MTUS2: variants seen among roughly 807,000 people sequenced by gnomAD.
The protein encoded by MTUS2 is microtubule associated scaffold protein 2.
A neutral mutation model predicts 114.1 loss-of-function variants in MTUS2; 40 were observed. The ratio of observed to expected loss-of-function variants is 0.35; its 90% CI spans 0.27 to 0.46. MTUS2 has a LOEUF of 0.46. MTUS2 is among the 20% of genes least tolerant of loss of function. MTUS2 has a pLI of 1.00. For missense variants in MTUS2, 1,679 were observed against 1,705.4 expected, an observed-to-expected ratio of 0.98 and a Z score of 0.27; for synonymous variants, 688 against 672.0, an observed-to-expected ratio of 1.02 and a Z score of -0.37.
chr13:29,004,598 CTA>C (rs1885525979), intron 2 of MTUS2, among the ~76,000 whole-genome samples: 1 of 152,174 alleles, frequency 6.6e-6, no homozygotes, highest in Non-Finnish European at 1.5e-5. Context: ...AGTTTCCAGA[CTA>C]TGTGTATCAT....
At chr13:29,055,240 T>C (rs987191478) in intron 4 of MTUS2, among the ~76,000 whole-genome samples, 2 of 152,146 alleles carry the variant, frequency 1.3e-5, no homozygotes, top group Non-Finnish European at 2.9e-5. Flanking sequence ...ATTTGGGATT[T>C]TGATGTCTTC....
rs113604859 is a variant in MTUS2, at chr13:28,982,053, G to A, written c.-242-42404G>A. Among the ~76,000 whole-genome samples, 308 of 152,308 alleles carry A rather than the reference G, an allele frequency of 2.0e-3. 1 individual carries two copies. Among genetic ancestry groups the A allele is most frequent in the African/African-American group, 5.9e-3 (246 of 41,552 alleles). On this transcript the variant is annotated intron_variant, in intron 2 of 15. Coordinates refer to ENST00000612955, the MANE Select transcript of MTUS2 (RefSeq NM_001033602.4). The stretch of plus-strand genomic sequence containing the variant: ...GTGAATCAATCTTGGCTGTGACAGA[G>A]GATGCCAGTTAATGGCCAATGTAAA...
chr13:29,497,381 C>G (rs1397664277), intron 13 of MTUS2, 45 bp downstream of exon 13: 1 of 1,540,314 alleles, frequency 6.5e-7, no homozygotes, highest in Admixed American at 1.9e-5. Context: ...GAACCCCGCC[C>G]CAGCAAGGCC....
chr13:29,290,904 A>G (rs1898684506), intron 6 of MTUS2, among the ~76,000 whole-genome samples: 1 of 152,236 alleles, frequency 6.6e-6, no homozygotes, highest in Admixed American at 6.5e-5. Context: ...CTCAACAAAT[A>G]GCTGCCGAAT....
chr13:29,138,979 C>T (rs1254167813), intron 5 of MTUS2, among the ~76,000 whole-genome samples: 1 of 151,724 alleles, frequency 6.6e-6, no homozygotes, highest in East Asian at 1.9e-4. Flanking sequence ...CCCCTTTGCC[C>T]CCAGTGATAT....
In MTUS2 at chr13:29,263,887, C is replaced by A. The variant is rs565877465; in HGVS notation, c.2645-17817C>A. On this transcript the variant is annotated intron_variant, in intron 5 of 15. Coordinates refer to ENST00000612955, the MANE Select transcript of MTUS2 (RefSeq NM_001033602.4). ...CAGATCCAAACCATATCATCCCACC[C>A]CTGGCCTCCAAATCTCATGTCCTTC... is the stretch of plus-strand genomic sequence containing the variant. Among the ~76,000 whole-genome samples the A allele has an allele frequency of 2.0e-5, 3 of 152,162 alleles. No individual in the cohort carries two copies. In the East Asian group the frequency reaches 5.8e-4, roughly 29 times the overall value.
chr13:29,303,902 C>T (rs964940865), intron 6 of MTUS2, among the ~76,000 whole-genome samples: 8 of 152,104 alleles, frequency 5.3e-5, no homozygotes, highest in Non-Finnish European at 8.8e-5. Context: ...GCCAGGTCAC[C>T]TACAAAGGGA....
chr13:29,176,554 T>A (rs570145994), intron 5 of MTUS2, among the ~76,000 whole-genome samples: 5 of 152,270 alleles, frequency 3.3e-5, no homozygotes, highest in African/African-American at 1.2e-4. Flanking sequence ...TTCTAAAGGC[T>A]GGGAAGTCCA....
At chr13:28,895,522 T>C (rs1356363034) in intron 2 of MTUS2, among the ~76,000 whole-genome samples, 1 of 152,210 alleles carries the variant, frequency 6.6e-6, no homozygotes, top group Non-Finnish European at 1.5e-5. Flanking sequence ...GATTAAATAG[T>C]ATTATTAGAT....
chr13:29,399,450 C>T (rs2138483705), intron 8 of MTUS2, among the ~76,000 whole-genome samples: 1 of 152,288 alleles, frequency 6.6e-6, no homozygotes, highest in African/African-American at 2.4e-5. Context: ...TGCCCTCGTT[C>T]AAACAACTCT....
chr13:28,873,370 C>T (rs763032168), intron 2 of MTUS2, among the ~76,000 whole-genome samples: 22 of 152,210 alleles, frequency 1.4e-4, no homozygotes, highest in South Asian at 2.1e-4. Context: ...TGCCACTTCC[C>T]TGAAGCCTTC....
intron 2 of MTUS2, among the ~76,000 whole-genome samples, chr13:28,950,724 A>C (rs1164528511): frequency 6.6e-6 from 1 of 152,160 alleles, no homozygotes; most frequent in Non-Finnish European, 1.5e-5. Flanking sequence ...GGTGCTCCCA[A>C]AACAGTATAA....
chr13:28,933,575 A>T (rs1881736311), intron 2 of MTUS2, among the ~76,000 whole-genome samples: 1 of 152,160 alleles, frequency 6.6e-6, no homozygotes, highest in Non-Finnish European at 1.5e-5. Context: ...ATTAACCATC[A>T]CAACATATAT....
intron 10 of MTUS2, chr13:29,487,668 A>C: frequency 1.8e-6 from 1 of 560,152 alleles, no homozygotes; most frequent in Non-Finnish European, 3.2e-6. Flanking sequence ...TACCTCAGGC[A>C]GTGATCCCCT....
rs529715897 is a variant in MTUS2 at position 28,878,245 on chromosome 13, A to G, written c.-243+38395A>G. ...TGTGTGTGTGTGTGTATATATATGTATATATGTGTGTGTGTGTATATGTGT... is the reference window on the plus strand; with the variant it reads ...TGTGTGTGTGTGTGTATATATATGTGTATATGTGTGTGTGTGTATATGTGT... On this transcript the variant is annotated intron_variant, in intron 2 of 15. Transcript: ENST00000612955. Among the ~76,000 whole-genome samples, 529 of 147,452 alleles carry G rather than the reference A, an allele frequency of 3.6e-3. 3 individuals are homozygous for G. The highest frequency in any genetic ancestry group is 0.013 in the African/African-American group (496 of 37,484).
chr13:28,918,504 A>G (rs765078630), intron 2 of MTUS2, among the ~76,000 whole-genome samples: 2 of 151,628 alleles, frequency 1.3e-5, no homozygotes, highest in Non-Finnish European at 3.0e-5. Context: ...GTTTCTGTGG[A>G]CATGGGATAT....
intron 2 of MTUS2, among the ~76,000 whole-genome samples, chr13:28,934,525 T>G (rs1421546801): frequency 6.6e-6 from 1 of 152,206 alleles, no homozygotes; most frequent in Non-Finnish European, 1.5e-5. Flanking sequence ...CTTTATTTTA[T>G]TTATTATTAT....
rs567718118 is a variant in MTUS2 at position 29,097,254 on chromosome 13, GTTTC to G, written c.2447-3515_2447-3512del. Among the ~76,000 whole-genome samples, 12 of 152,224 alleles carry G rather than the reference GTTTC, an allele frequency of 7.9e-5. 2 individuals carry two copies. In the South Asian group the frequency reaches 2.5e-3, roughly 32 times the overall value. On this transcript the variant is annotated intron_variant, in intron 4 of 15. Transcript: ENST00000612955. ...ATTTAGTAGAGTTTCTTATATAAAT[GTTTC>G]TTTAAGTGCTACATGTTCATAGAAC...
chr13:29,333,688 A>T (rs1488765596), intron 7 of MTUS2, among the ~76,000 whole-genome samples: 1 of 152,236 alleles, frequency 6.6e-6, no homozygotes, highest in African/African-American at 2.4e-5. Context: ...AGAGTTCTGT[A>T]GATGACTATT....
Sources: allele counts gnomAD v4.1 joint callset (sites outside exome capture counted in the v4.1 genomes callset), GRCh38; gene constraint gnomAD v4.1.1; transcripts MANE v1.5; gene names NCBI Gene and HGNC (gene_info 2026-07-23, HGNC 2026-07-21).